The following EIF2S3 variants were observed in gnomAD, a reference collection of about 807,000 sequenced individuals.
EIF2S3 encodes the protein eukaryotic translation initiation factor 2 subunit gamma.
Under a neutral mutation model 31.7 loss-of-function variants are expected in EIF2S3, and 2 were observed. The observed-to-expected ratio is 0.06, with a 90% CI of 0.03 to 0.20. The LOEUF (loss-of-function observed/expected upper bound fraction) is 0.20. Ranked by LOEUF, EIF2S3 falls within the 10% of genes least tolerant of loss-of-function variation. The pLI, the probability that EIF2S3 is intolerant of heterozygous loss-of-function variation, is 1.00. For synonymous variants in EIF2S3, 120 were observed against 126.7 expected (o/e 0.95, Z 0.36); for missense variants, 96 against 359.3 (o/e 0.27, Z 5.92).
At chrX:24,067,613 CAG>C (rs1319439974) in intron 8 of EIF2S3, among the ~76,000 whole-genome samples, 2 of 106,075 alleles carry the variant, frequency 1.9e-5, no homozygotes, top group South Asian at 4.2e-4. Flanking sequence ...ATTTTTGAGA[CAG>C]AGTCTCTCTT....
intron 9 of EIF2S3, among the ~76,000 whole-genome samples, chrX:24,070,442 T>G (rs1033044599): frequency 3.9e-5 from 3 of 76,235 alleles, no homozygotes; most frequent in African/African-American, 1.5e-4. Flanking sequence ...ATATGTAGTT[T>G]TTTTTTTTTT....
intron 11 of EIF2S3, among the ~76,000 whole-genome samples, chrX:24,074,534 C>A (rs887398875): frequency 6.3e-5 from 7 of 111,655 alleles, no homozygotes; most frequent in African/African-American, 2.3e-4. Flanking sequence ...TTGAATCCCA[C>A]ACCCCTGGAT....
intron 10 of EIF2S3, among the ~76,000 whole-genome samples, chrX:24,072,369 C>T (rs913430989): frequency 6.3e-5 from 7 of 111,344 alleles, no homozygotes; most frequent in African/African-American, 2.3e-4. Flanking sequence ...ACAGCAGCCT[C>T]GATCTCCCAG....
At chrX:24,073,304 A>T in intron 11 of EIF2S3, 41 bp downstream of exon 11, 1 of 1,197,638 alleles carries the variant, frequency 8.3e-7, no homozygotes, top group East Asian at 3.0e-5. Context: ...TTAAAAAAAG[A>T]CACAGTCTTG....
chrX:24,061,418 G>A (rs903276216), intron 5 of EIF2S3, among the ~76,000 whole-genome samples: 5 of 108,557 alleles, frequency 4.6e-5, no homozygotes, highest in African/African-American at 1.7e-4. Flanking sequence ...AATTAGCCGG[G>A]TGTGGTGGGG....
chrX:24,066,117 A>C, intron 8 of EIF2S3, 25 bp downstream of exon 8: 1 of 955,497 alleles, frequency 1.0e-6, no homozygotes, highest in Non-Finnish European at 1.4e-6. Flanking sequence ...GGTTGTTGTG[A>C]TTTTGGGTTT....
rs1019498176 is a variant in EIF2S3, at chrX:24,074,237, T to C, written c.1355+974T>C. On this transcript the variant is annotated intron_variant, in intron 11 of 11. Coordinates refer to ENST00000253039, the MANE Select transcript of EIF2S3 (RefSeq NM_001415.4). ...ATTAACAGTTCTGAAGAATACAAAC[T>C]AGTTACTTTATAGAATATTCCTCAA... 6.2e-5 allele frequency among the ~76,000 whole-genome samples: 7 copies of C among 112,474 alleles called. No individual in the cohort carries two copies. In the Admixed American group the frequency reaches 6.7e-4, roughly 11 times the overall value.
chrX:24,070,439 G>GTTTGTT (rs1930649465), intron 9 of EIF2S3, among the ~76,000 whole-genome samples: 11 of 50,973 alleles, frequency 2.2e-4, no homozygotes, highest in African/African-American at 9.4e-4. Context: ...ATCATATGTA[G>GTTTGTT]TTTTTTTTTT....
intron 11 of EIF2S3, 137 bp downstream of exon 11, chrX:24,073,400 A>C (rs1478802479): frequency 2.3e-6 from 2 of 881,564 alleles, no homozygotes; most frequent in Admixed American, 7.3e-5. Flanking sequence ...TGACTTTGAA[A>C]ACTATACTTC....
chrX:24,066,493 A>G (rs1295174627), intron 8 of EIF2S3, among the ~76,000 whole-genome samples: 2 of 105,963 alleles, frequency 1.9e-5, no homozygotes, highest in East Asian at 2.9e-4. Context: ...TTCATTGCAT[A>G]TATATATATG....
At chrX:24,057,099 C>T (rs184739426) in intron 2 of EIF2S3, among the ~76,000 whole-genome samples, 2 of 112,566 alleles carry the variant, frequency 1.8e-5, no homozygotes, top group East Asian at 2.8e-4. Flanking sequence ...GGCACGATCT[C>T]GGCTCACTGC....
In EIF2S3 at chrX:24,056,305, C is replaced by G. The variant is rs919598464; in HGVS notation, c.133+627C>G. Reference sequence around the variant, plus strand: ...TAATGCAAACAAAGCCCAAATAAGCCTACAGGCCTTGAACTACTGCCCCTG... The same window carrying G: ...TAATGCAAACAAAGCCCAAATAAGCGTACAGGCCTTGAACTACTGCCCCTG... On this transcript the variant is annotated intron_variant, in intron 2 of 11. Transcript: ENST00000253039. Among the ~76,000 whole-genome samples the G allele has an allele frequency of 8.9e-5, 10 of 111,991 alleles. No homozygotes were observed. In the East Asian group the frequency reaches 2.8e-3, roughly 31 times the overall value.
At position 24,069,531 on chromosome X, in the gene EIF2S3, A is replaced by T. The variant is rs777053261; in HGVS notation, c.1012+1423A>T. 5.1e-3 allele frequency among the ~76,000 whole-genome samples: 562 copies of T among 109,567 alleles called. 2 individuals carry two copies. The highest frequency in any genetic ancestry group is 8.0e-3 in the Non-Finnish European group (419 of 52,654). On this transcript the variant is annotated intron_variant, in intron 9 of 11. Coordinates refer to ENST00000253039, the MANE Select transcript of EIF2S3 (RefSeq NM_001415.4). ...TGAGACCAGCCTAGGAAACCATGAG[A>T]TGCCATTTCTCCAATAAAATAGTAA...
In EIF2S3 at chrX:24,078,232, C is replaced by T. The variant is rs940802458; in HGVS notation, c.*1447C>T. Among the ~76,000 whole-genome samples, 9 of 110,559 alleles carry T rather than the reference C, an allele frequency of 8.1e-5. 2 individuals carry two copies. The Admixed American group carries it at 8.8e-4, about 11-fold the overall frequency. On this transcript the variant is annotated 3_prime_UTR_variant, in exon 12 of 12. Transcript: ENST00000253039. ...GTAGAGATGGGGTTTCACCATGTTGCCCAGGCTGGTCTTGAACTCCTAACC... is the reference window on the plus strand; with the variant it reads ...GTAGAGATGGGGTTTCACCATGTTGTCCAGGCTGGTCTTGAACTCCTAACC...
chrX:24,057,857 A>G (rs953248524), intron 4 of EIF2S3, 103 bp downstream of exon 4: 6 of 926,996 alleles, frequency 6.5e-6, no homozygotes, highest in Non-Finnish European at 8.6e-6. Context: ...TAATGGCTAA[A>G]TGGTTTTGTT....
intron 4 of EIF2S3, among the ~76,000 whole-genome samples, chrX:24,058,038 A>T (rs1377632780): frequency 1.8e-5 from 2 of 112,555 alleles, no homozygotes; most frequent in African/African-American, 6.4e-5. Flanking sequence ...AATTTCTTTT[A>T]AACAGCGCTG....
intron 2 of EIF2S3, 136 bp downstream of exon 2, chrX:24,055,814 G>A: frequency 1.6e-6 from 1 of 628,899 alleles, no homozygotes; most frequent in Non-Finnish European, 2.5e-6. Flanking sequence ...TAAAGCATCT[G>A]CTACATTTGC....
chrX:24,076,611 G>T, intron 11 of EIF2S3, 111 bp from the exon 12 acceptor site: 1 of 729,066 alleles, frequency 1.4e-6, no homozygotes, highest in Non-Finnish European at 2.1e-6. Flanking sequence ...GCAGGCTTTG[G>T]GAACAAATTT....
At chrX:24,061,473 C>T (rs184801898) in intron 5 of EIF2S3, among the ~76,000 whole-genome samples, 1 of 108,442 alleles carries the variant, frequency 9.2e-6, no homozygotes, top group East Asian at 2.9e-4. Context: ...GCAGGAGAAT[C>T]GCTTGAACTT....
Sources: gnomAD v4.1 joint callset for allele counts (sites outside exome capture counted in the v4.1 genomes callset) on GRCh38, gnomAD v4.1.1 for gene constraint, MANE v1.5 for transcripts, NCBI Gene and HGNC (gene_info 2026-07-23, HGNC 2026-07-21) for gene names.